The following KLRG2 variants were observed in gnomAD, a reference collection of about 807,000 sequenced individuals.
The protein encoded by KLRG2 is killer cell lectin-like receptor subfamily G member 2.
KLRG2 carries 39 observed loss-of-function variants against 35.4 expected under a neutral mutation model. That is an observed-to-expected ratio of 1.10 (90% CI 0.85 to 1.44). KLRG2 has a LOEUF of 1.44. Among genes scored for constraint, KLRG2 ranks in the 40% most tolerant of loss-of-function variants. The probability of loss-of-function intolerance (pLI) is 0.00; values close to 1 mark genes in which losing one functional copy is unlikely to be tolerated. For missense variants in KLRG2, 632 were observed against 570.9 expected, an observed-to-expected ratio of 1.11 and a Z score of -1.09; for synonymous variants, 283 against 265.8, an observed-to-expected ratio of 1.06 and a Z score of -0.63.
chr7:139,429,968 C>A, the KLRG2 span, among the ~76,000 whole-genome samples: 24 of 149,984 alleles, frequency 1.6e-4, 1 homozygote, highest in Non-Finnish European at 3.0e-5. Context: ...GGGGGGCTGA[C>A]CCCCCCCATA....
At chr7:139,434,019 G>A in the KLRG2 span, among the ~76,000 whole-genome samples, 1 of 152,158 alleles carries the variant, frequency 6.6e-6, no homozygotes, top group Non-Finnish European at 1.5e-5. Context: ...TGAGCCTGTG[G>A]TACTTGGCCC....
chr7:139,464,981 G>T (rs553586277), intron 3 of KLRG2, among the ~76,000 whole-genome samples: 16 of 152,188 alleles, frequency 1.1e-4, no homozygotes, highest in African/African-American at 3.9e-4. Flanking sequence ...ACTTCAATCC[G>T]GCCTCCCACA....
the KLRG2 span, among the ~76,000 whole-genome samples, chr7:139,433,994 G>A: frequency 6.6e-6 from 1 of 152,188 alleles, no homozygotes; most frequent in African/African-American, 2.4e-5. Flanking sequence ...GCCAGCACCT[G>A]TCCCTGGGGA....
chr7:139,438,663 G>A, the KLRG2 span, among the ~76,000 whole-genome samples: 1 of 147,116 alleles, frequency 6.8e-6, no homozygotes, highest in East Asian at 2.0e-4. Context: ...CCTTCTTTGG[G>A]AAACATTTTG....
chr7:139,450,087 G>A (rs1032587542), downstream of KLRG2, among the ~76,000 whole-genome samples: 13 of 151,844 alleles, frequency 8.6e-5, no homozygotes, highest in African/African-American at 2.4e-4. Flanking sequence ...CTGTCACCCA[G>A]GGTGGAGTGC....
the KLRG2 span, among the ~76,000 whole-genome samples, chr7:139,446,964 A>G: frequency 5.9e-5 from 9 of 152,212 alleles, no homozygotes; most frequent in Admixed American, 2.6e-4. Flanking sequence ...ATTAATTTAA[A>G]AAGAAAACTG....
the KLRG2 span, among the ~76,000 whole-genome samples, chr7:139,438,637 A>G: frequency 1.1e-4 from 16 of 152,130 alleles, no homozygotes; most frequent in Admixed American, 9.8e-4. Context: ...TGTTGGTGGA[A>G]ATAGAACATG....
chr7:139,451,966 CTT>C (rs58186917), downstream of KLRG2, among the ~76,000 whole-genome samples: 16 of 117,186 alleles, frequency 1.4e-4, no homozygotes, highest in East Asian at 2.4e-4. Context: ...TTTCCATGTC[CTT>C]TTTTTTTTTT....
intron 3 of KLRG2, among the ~76,000 whole-genome samples, chr7:139,458,665 A>T (rs1796517616): frequency 6.6e-6 from 1 of 152,152 alleles, no homozygotes; most frequent in African/African-American, 2.4e-5. Context: ...CTAGGATGTA[A>T]ATGTATTCAA....
downstream of KLRG2, among the ~76,000 whole-genome samples, chr7:139,447,984 A>G (rs1217188439): frequency 1.3e-5 from 2 of 152,046 alleles, no homozygotes; most frequent in Non-Finnish European, 2.9e-5. Flanking sequence ...AAAACAATGC[A>G]TAACATTTCT....
the KLRG2 span, among the ~76,000 whole-genome samples, chr7:139,435,657 T>C: frequency 6.6e-6 from 1 of 152,156 alleles, no homozygotes; most frequent in African/African-American, 2.4e-5. Context: ...AGCATGAGCT[T>C]TATCTTCTCT....
the KLRG2 span, among the ~76,000 whole-genome samples, chr7:139,437,318 G>A: frequency 6.6e-6 from 1 of 151,634 alleles, no homozygotes; most frequent in African/African-American, 2.4e-5. Context: ...CCAGCTACTC[G>A]GGAGGCTGAG....
intron 3 of KLRG2, among the ~76,000 whole-genome samples, chr7:139,459,579 C>T (rs565846895): frequency 6.6e-6 from 1 of 152,300 alleles, no homozygotes; most frequent in African/African-American, 2.4e-5. Flanking sequence ...ACCTCAGGGC[C>T]CAGCCCAGGC....
At chr7:139,460,456 T>C (rs907253696) in intron 3 of KLRG2, among the ~76,000 whole-genome samples, 3 of 152,072 alleles carry the variant, frequency 2.0e-5, no homozygotes, top group African/African-American at 4.8e-5. Flanking sequence ...GATGGGAAGG[T>C]TGCTTGAGGC....
intron 3 of KLRG2, among the ~76,000 whole-genome samples, chr7:139,477,600 C>T (rs2356069): frequency 0.54 from 81,541 of 151,742 alleles, 22,437 homozygotes; most frequent in East Asian, 0.68. Flanking sequence ...AATGGGGAAT[C>T]AGTGTTTAGA....
the KLRG2 span, among the ~76,000 whole-genome samples, chr7:139,430,002 C>T: frequency 6.6e-6 from 1 of 152,200 alleles, no homozygotes; most frequent in Non-Finnish European, 1.5e-5. Flanking sequence ...GGCAGGGTTC[C>T]TCAAAATACG....
chr7:139,468,041 T>C (rs1045196605), intron 3 of KLRG2, among the ~76,000 whole-genome samples: 32 of 152,224 alleles, frequency 2.1e-4, no homozygotes, highest in East Asian at 1.9e-4. Context: ...GGTATTGAGA[T>C]GTTTATGTGT....
At chr7:139,441,605 T>TA in the KLRG2 span, among the ~76,000 whole-genome samples, 1 of 151,340 alleles carries the variant, frequency 6.6e-6, no homozygotes, top group African/African-American at 2.4e-5. Context: ...CCCCAGAACT[T>TA]AAAGTATAAA....
At chr7:139,429,279 C>G in the KLRG2 span, among the ~76,000 whole-genome samples, 4 of 152,136 alleles carry the variant, frequency 2.6e-5, no homozygotes, top group African/African-American at 7.2e-5. Context: ...GCACTCCAGC[C>G]TGGGTGACAG....
Sources: gnomAD v4.1 joint callset for allele counts (sites outside exome capture counted in the v4.1 genomes callset) on GRCh38, gnomAD v4.1.1 for gene constraint, MANE v1.5 for transcripts, NCBI Gene and HGNC (gene_info 2026-07-23, HGNC 2026-07-21) for gene names.